CFAP90: variants seen among roughly 807,000 people sequenced by gnomAD.
The protein encoded by CFAP90 is cilia and flagella associated protein 90, also known as cilia- and flagella-associated protein 90.
chr5:7,849,894 G>A, the CFAP90 span, among the ~76,000 whole-genome samples: 1 of 152,116 alleles, frequency 6.6e-6, no homozygotes, highest in Admixed American at 6.5e-5. Flanking sequence ...GCTAGCCTGG[G>A]CCTGCCGCAG....
chr5:7,841,930 C>A, the CFAP90 span, among the ~76,000 whole-genome samples: 1 of 151,878 alleles, frequency 6.6e-6, no homozygotes, highest in Non-Finnish European at 1.5e-5. Context: ...CCATGGCATA[C>A]GTTTACGTAT....
chr5:7,843,227 A>G, the CFAP90 span, among the ~76,000 whole-genome samples: 30 of 152,348 alleles, frequency 2.0e-4, 1 homozygote, highest in South Asian at 5.8e-3. Flanking sequence ...GAGGTTTGGT[A>G]TTGTGTGAAG....
chr5:7,842,657 CA>C, the CFAP90 span, among the ~76,000 whole-genome samples: 1 of 152,120 alleles, frequency 6.6e-6, no homozygotes, highest in Admixed American at 6.6e-5. Context: ...GATTTCCAAG[CA>C]ATTGCACCAA....
the CFAP90 span, chr5:7,850,777 C>T: frequency 1.2e-4 from 142 of 1,178,928 alleles, no homozygotes; most frequent in Non-Finnish European, 1.4e-4. Flanking sequence ...TCCGCGGCCG[C>T]CCGCCCCTGC....
At chr5:7,837,371 C>G in the CFAP90 span, among the ~76,000 whole-genome samples, 4 of 152,172 alleles carry the variant, frequency 2.6e-5, no homozygotes, top group African/African-American at 9.7e-5. Flanking sequence ...CACACTCAGA[C>G]ATGTCTCCAT....
chr5:7,841,177 T>C, the CFAP90 span, among the ~76,000 whole-genome samples: 2 of 151,868 alleles, frequency 1.3e-5, no homozygotes, highest in South Asian at 2.1e-4. Context: ...GCAAAGGACA[T>C]GAACAGACAC....
At chr5:7,833,166 T>C in the CFAP90 span, among the ~76,000 whole-genome samples, 1 of 152,172 alleles carries the variant, frequency 6.6e-6, no homozygotes, top group Non-Finnish European at 1.5e-5. Flanking sequence ...GAGGGAACTA[T>C]ATATAATAGT....
At chr5:7,842,636 G>GA in the CFAP90 span, among the ~76,000 whole-genome samples, 1 of 152,114 alleles carries the variant, frequency 6.6e-6, no homozygotes, top group South Asian at 2.1e-4. Context: ...CCATGAAAAA[G>GA]AAGGCACTTG....
At chr5:7,845,114 CAG>C in the CFAP90 span, among the ~76,000 whole-genome samples, 5 of 151,692 alleles carry the variant, frequency 3.3e-5, no homozygotes, top group Admixed American at 3.3e-4. Flanking sequence ...GCAGGAGAGA[CAG>C]AGAGAGAGCA....
chr5:7,835,284 A>G, the CFAP90 span: 255 of 703,076 alleles, frequency 3.6e-4, 1 homozygote, highest in African/African-American at 4.2e-3. Flanking sequence ...TACAGTATCT[A>G]TGAAGCCTAA....
the CFAP90 span, chr5:7,850,880 C>T: frequency 1.5e-6 from 2 of 1,327,596 alleles, no homozygotes; most frequent in Non-Finnish European, 1.9e-6. Context: ...CTCACCCGCG[C>T]CGGGCGGTAG....
the CFAP90 span, among the ~76,000 whole-genome samples, chr5:7,837,816 C>T: frequency 6.6e-6 from 1 of 152,184 alleles, no homozygotes; most frequent in Non-Finnish European, 1.5e-5. Flanking sequence ...TGTGTAAGGC[C>T]CCTGGCCAGC....
At chr5:7,835,111 G>T in the CFAP90 span, among the ~76,000 whole-genome samples, 1 of 152,160 alleles carries the variant, frequency 6.6e-6, no homozygotes, top group Non-Finnish European at 1.5e-5. Context: ...TATTGAGTGT[G>T]CAATAGCATT....
the CFAP90 span, among the ~76,000 whole-genome samples, chr5:7,836,048 C>G: frequency 5.3e-5 from 8 of 152,088 alleles, no homozygotes; most frequent in Non-Finnish European, 8.8e-5. Flanking sequence ...AAACAAGCCC[C>G]CTCACGCTTC....
chr5:7,848,032 A>C, the CFAP90 span, among the ~76,000 whole-genome samples: 1 of 152,148 alleles, frequency 6.6e-6, no homozygotes, highest in African/African-American at 2.4e-5. Context: ...TATTTTTTCC[A>C]CTGTTTATCT....
At chr5:7,834,027 AT>A in the CFAP90 span, among the ~76,000 whole-genome samples, 2 of 152,308 alleles carry the variant, frequency 1.3e-5, no homozygotes, top group East Asian at 3.9e-4. Flanking sequence ...TATTTATTAT[AT>A]TTTTTATCAC....
chr5:7,831,828 C>G, the CFAP90 span: 1 of 1,599,258 alleles, frequency 6.3e-7, no homozygotes, highest in South Asian at 1.1e-5. Context: ...ATCGGACATG[C>G]CCTGTGGGCC....
chr5:7,833,314 T>C, the CFAP90 span, among the ~76,000 whole-genome samples: 1 of 152,086 alleles, frequency 6.6e-6, no homozygotes, highest in African/African-American at 2.4e-5. Context: ...TGTACACACA[T>C]GTACATGCAT....
chr5:7,846,077 TG>T, the CFAP90 span, among the ~76,000 whole-genome samples: 1 of 152,046 alleles, frequency 6.6e-6, no homozygotes, highest in African/African-American at 2.4e-5. Context: ...ATACTTGCAT[TG>T]GGCTTACTAT....
Sources: allele counts gnomAD v4.1 joint callset (sites outside exome capture counted in the v4.1 genomes callset), GRCh38; gene constraint gnomAD v4.1.1; transcripts MANE v1.5; gene names NCBI Gene and HGNC (gene_info 2026-07-23, HGNC 2026-07-21).